CHEK2: variants seen among roughly 807,000 people sequenced by gnomAD.
The protein encoded by CHEK2 is checkpoint kinase 2.
A neutral mutation model predicts 69.1 loss-of-function variants in CHEK2; 71 were observed. The ratio of observed to expected loss-of-function variants is 1.03; its 90% CI spans 0.85 to 1.25. The LOEUF (loss-of-function observed/expected upper bound fraction) is 1.25. CHEK2 is among the 50% of genes most tolerant of loss of function. The pLI is 0.00. For synonymous variants in CHEK2, 189 were observed against 226.9 expected, an observed-to-expected ratio of 0.83 and a Z score of 1.50; for missense variants, 664 against 649.6, an observed-to-expected ratio of 1.02 and a Z score of -0.24.
intron 2 of CHEK2, chr22:28,727,923 C>T (rs1333325839): frequency 6.6e-6 from 1 of 152,210 alleles, no homozygotes; most frequent in East Asian, 1.9e-4. Context: ...ATAATTTATA[C>T]ACACATTGTC....
chr22:28,699,612 T>A (rs1397158540), intron 9 of CHEK2, among the ~76,000 whole-genome samples: 1 of 151,444 alleles, frequency 6.6e-6, no homozygotes, highest in Non-Finnish European at 1.5e-5. Flanking sequence ...ATCCGCCCGC[T>A]TGGCCTCCCA....
At chr22:28,727,243 A>G (rs190449589) in intron 2 of CHEK2, among the ~76,000 whole-genome samples, 1 of 152,070 alleles carries the variant, frequency 6.6e-6, no homozygotes, top group East Asian at 1.9e-4. Context: ...GGGTTTCGCC[A>G]TGTTAGACAG....
At position 28,711,996 on chromosome 22, in the gene CHEK2, C is replaced by A; in HGVS notation, c.705G>T (p.Lys235Asn). Residue 235 changes from lysine to asparagine, a missense_variant, in exon 6 of 15, where the codon AAG becomes AAT. Coordinates refer to ENST00000404276, the MANE Select transcript of CHEK2 (RefSeq NM_007194.4). ...TACATGTTTTCCTCTCGAAAGCCAG[C>A]TTTACCTCTCCACAGGCACCACTAG... is the stretch of plus-strand genomic sequence containing the variant. ...TLGSGACGEV[K>N]LAFERKTCKK... is the part of the protein sequence containing the mutation. The A allele has an allele frequency of 6.2e-7, 1 of 1,612,888 alleles. No homozygotes were observed. Among genetic ancestry groups the A allele is most frequent in the Non-Finnish European group, 8.5e-7 (1 of 1,179,556 alleles).
rs200649225 is a variant in CHEK2, at chr22:28,695,752, C to G, written c.1217G>C (p.Arg406Pro). Reference sequence around the variant, plus strand: ...TCCTAAACTCCAGCAGTCCACAGCACGGTTATACCCAGCAGTCCCAACAGA... The same window carrying G: ...TCCTAAACTCCAGCAGTCCACAGCAGGGTTATACCCAGCAGTCCCAACAGA... Reference protein sequence around the residue: ...LVSVGTAGYNRAVDCWSLGVI... With the variant: ...LVSVGTAGYNPAVDCWSLGVI... Residue 406 changes from arginine (R) to proline (P), a missense_variant, in exon 11 of 15, where the codon CGT becomes CCT. By Grantham distance (103) the Arg-to-Pro change is moderately radical (BLOSUM62 -2). Coordinates refer to ENST00000404276, the MANE Select transcript of CHEK2 (RefSeq NM_007194.4). 1.9e-6 allele frequency: 3 copies of G among 1,613,724 alleles called. No homozygotes were observed. The highest frequency in any genetic ancestry group is 2.5e-6 in the Non-Finnish European group (3 of 1,179,646).
intron 6 of CHEK2, among the ~76,000 whole-genome samples, chr22:28,710,394 G>A (rs1029598467): frequency 1.1e-4 from 17 of 152,162 alleles, no homozygotes; most frequent in African/African-American, 3.4e-4. Flanking sequence ...AGTCTCCACA[G>A]TCAGAAACAA....
intron 13 of CHEK2, chr22:28,689,514 T>G: frequency 2.6e-6 from 1 of 385,886 alleles, no homozygotes; most frequent in South Asian, 2.1e-5. Context: ...GTATCCAAGA[T>G]CCTGAGAAAG....
At chr22:28,692,298 T>C (rs1324012172) in intron 13 of CHEK2, among the ~76,000 whole-genome samples, 1 of 152,104 alleles carries the variant, frequency 6.6e-6, no homozygotes, top group Non-Finnish European at 1.5e-5. Flanking sequence ...GTTTCTCTTT[T>C]TCATCAAAAT....
intron 12 of CHEK2, 76 bp downstream of exon 12, chr22:28,695,051 A>G (rs1369365615): frequency 4.5e-6 from 4 of 896,602 alleles, no homozygotes; most frequent in Non-Finnish European, 7.5e-6. Context: ...ACACCATGGA[A>G]TTTGGGAAGA....
chr22:28,740,929 G>A (rs2054536164), intron 1 of CHEK2, among the ~76,000 whole-genome samples: 1 of 152,062 alleles, frequency 6.6e-6, no homozygotes, highest in Non-Finnish European at 1.5e-5. Context: ...GCCAAGGCAG[G>A]TGGATCACCT....
chr22:28,717,580 A>T (rs1376853643), intron 5 of CHEK2, among the ~76,000 whole-genome samples: 4 of 151,888 alleles, frequency 2.6e-5, no homozygotes, highest in Non-Finnish European at 2.9e-5. Flanking sequence ...AGTAAAAAAA[A>T]AAATAAAAAT....
chr22:28,733,716 C>T (rs753490946), intron 2 of CHEK2, among the ~76,000 whole-genome samples: 11 of 151,950 alleles, frequency 7.2e-5, no homozygotes, highest in Admixed American at 2.6e-4. Context: ...GCCAGGAGTT[C>T]GAGACCAGCC....
At chr22:28,716,990 A>AT (rs1164450170) in intron 5 of CHEK2, among the ~76,000 whole-genome samples, 2 of 152,248 alleles carry the variant, frequency 1.3e-5, no homozygotes, top group African/African-American at 4.8e-5. Flanking sequence ...GAATCTAGCC[A>AT]TCTTCTAACT....
intron 5 of CHEK2, among the ~76,000 whole-genome samples, chr22:28,718,003 C>A (rs1252867837): frequency 6.6e-6 from 1 of 152,196 alleles, no homozygotes; most frequent in Non-Finnish European, 1.5e-5. Context: ...ATCGCTTGAA[C>A]CCGGGAGGCG....
At chr22:28,709,939 A>G in intron 7 of CHEK2, 67 bp downstream of exon 7, 1 of 952,932 alleles carries the variant, frequency 1.0e-6, no homozygotes, top group Non-Finnish European at 1.7e-6. Context: ...TTATACTGAA[A>G]GGCTTTATAC....
chr22:28,719,151 G>A lies in CHEK2; in HGVS notation c.683+244C>T, dbSNP rs112423901. Among the ~76,000 whole-genome samples, 12 of 151,980 alleles carry A rather than the reference G, an allele frequency of 7.9e-5. 1 individual carries two copies. The highest frequency in any genetic ancestry group is 1.9e-4 in the African/African-American group (8 of 41,446). On this transcript the variant is annotated intron_variant, in intron 5 of 14. Coordinates refer to ENST00000404276, the MANE Select transcript of CHEK2 (RefSeq NM_007194.4). ...ATCAAGGCCACAGTGAGCTCTGATC[G>A]TGCCACTACCCTCCAGCCTGGGTAA...
At position 28,725,089 on chromosome 22, in the gene CHEK2, T is replaced by C. The variant is rs575910805; in HGVS notation, c.480A>G (p.Ile160Met). The C allele has an allele frequency of 6.4e-5, 103 of 1,614,166 alleles. No individual in the cohort carries two copies. The South Asian group carries it at 6.9e-4, about 11-fold the overall frequency. Reference sequence around the variant, plus strand: ...AGGTTCCATTGCCACTGTGATCTTCTATGTATGCAATGTAAGAGTTTTTAG... The same window carrying C: ...AGGTTCCATTGCCACTGTGATCTTCCATGTATGCAATGTAAGAGTTTTTAG... Reference protein sequence around the residue: ...VGPKNSYIAYIEDHSGNGTFV... With the variant: ...VGPKNSYIAYMEDHSGNGTFV... The change falls in exon 4 of 15, where the codon ATA becomes ATG. Residue 160 changes from isoleucine (I) to methionine (M), a missense_variant. By Grantham distance (10) the Ile-to-Met change is conservative. Transcript: ENST00000404276.
chr22:28,714,929 C>T (rs544778374), intron 5 of CHEK2, among the ~76,000 whole-genome samples: 37 of 152,268 alleles, frequency 2.4e-4, no homozygotes, highest in African/African-American at 8.7e-4. Context: ...TCCCCAAGTC[C>T]GTGCAGCTCT....
At chr22:28,697,915 C>T (rs2052653882) in intron 9 of CHEK2, among the ~76,000 whole-genome samples, 1 of 151,676 alleles carries the variant, frequency 6.6e-6, no homozygotes, top group Non-Finnish European at 1.5e-5. Flanking sequence ...TATCCACAAA[C>T]TGTACTCAAT....
chr22:28,740,577 G>A (rs925360365), intron 1 of CHEK2, among the ~76,000 whole-genome samples: 1 of 152,146 alleles, frequency 6.6e-6, no homozygotes, highest in Non-Finnish European at 1.5e-5. Context: ...ATACTATTGT[G>A]TACGGTTTAC....
Sources: gnomAD v4.1 joint callset for allele counts (sites outside exome capture counted in the v4.1 genomes callset) on GRCh38, gnomAD v4.1.1 for gene constraint, MANE v1.5 for transcripts, NCBI Gene and HGNC (gene_info 2026-07-23, HGNC 2026-07-21) for gene names.